PAPLN: variants seen among roughly 807,000 people sequenced by gnomAD.
PAPLN encodes the protein papilin.
Under a neutral mutation model 159.0 loss-of-function variants are expected in PAPLN, and 146 were observed. The observed-to-expected ratio is 0.92, with a 90% CI of 0.80 to 1.05. The LOEUF (loss-of-function observed/expected upper bound fraction) is 1.05, where lower values mean the gene tolerates loss of function less well. PAPLN is among the 50% of genes least tolerant of loss of function. The probability of loss-of-function intolerance (pLI) is 0.00; values close to 1 mark genes in which losing one functional copy is unlikely to be tolerated. For synonymous variants in PAPLN, 734 were observed against 702.9 expected, an observed-to-expected ratio of 1.04 and a Z score of -0.70; for missense variants, 1,720 against 1,743.9, an observed-to-expected ratio of 0.99 and a Z score of 0.24.
In PAPLN at chr14:73,265,441, G is replaced by T. The variant is rs199829671; in HGVS notation, c.3197G>T (p.Arg1066Leu). 1.9e-5 allele frequency: 30 copies of T among 1,613,258 alleles called. No homozygotes were observed. The highest frequency in any genetic ancestry group is 2.3e-5 in the Non-Finnish European group (27 of 1,180,024). ...GGCCAGCGGATCCGGATGACCTGCC[G>T]TGCCGAAGGCTTCCCGCCCCCAGCC... ...SPGQRIRMTC[R>L]AEGFPPPAIE... The change falls in exon 23 of 27, where the codon CGT becomes CTT. Residue 1066 changes from arginine (R) to leucine (L), a missense_variant. By Grantham distance (102) the Arg-to-Leu change is moderately radical. Coordinates refer to ENST00000644200, the MANE Select transcript of PAPLN (RefSeq NM_001365906.3). The surrounding 1 kb of genome is among the most constrained non-coding windows in gnomAD (Gnocchi z 4.1).
At chr14:73,240,772 A>C (rs1338194371) in intron 2 of PAPLN, among the ~76,000 whole-genome samples, 1 of 152,152 alleles carries the variant, frequency 6.6e-6, no homozygotes, top group Non-Finnish European at 1.5e-5. Flanking sequence ...GAGGATGTAC[A>C]AGGAATCTTC....
Position 73,245,933 on chromosome 14 carries a change from CG to C in PAPLN, c.232-134del. 5.2e-6 allele frequency: 5 copies of C among 957,744 alleles called. No individual in the cohort carries two copies. Among genetic ancestry groups the C allele is most frequent in the Non-Finnish European group, 7.5e-6 (5 of 668,424 alleles). The allele number at this position is 957,744 out of a possible 1,614,324, so 59.3% of individuals were successfully genotyped here. A position where few individuals can be genotyped will look rare whatever the true frequency, so the allele number is the denominator to read the frequency against. On this transcript the variant is annotated intron_variant, in intron 4 of 26. Coordinates refer to ENST00000644200, the MANE Select transcript of PAPLN (RefSeq NM_001365906.3). The surrounding 1 kb of genome is among the most constrained non-coding windows in gnomAD (Gnocchi z 4.2). Reference sequence around the variant, plus strand: ...GGGCACGCACAGGAGTTCGGGGGTCCGGGGGGCGGACTCCACCTCCGGCGGC... The same window carrying C: ...GGGCACGCACAGGAGTTCGGGGGTCCGGGGGCGGACTCCACCTCCGGCGGC...
In PAPLN at chr14:73,262,747, G is replaced by A; in HGVS notation, c.2643G>A (p.Gly881=). 1.3e-6 allele frequency: 2 copies of A among 1,511,452 alleles called. No homozygotes were observed. The highest frequency in any genetic ancestry group is 1.8e-6 in the Non-Finnish European group (2 of 1,134,628). 93.6% of individuals were successfully genotyped at this position (1,511,452 alleles called of 1,614,324 possible). The change falls in exon 19 of 27, where the codon GGG becomes GGA. Residue 881 remains glycine, a synonymous_variant. Coordinates refer to ENST00000644200, the MANE Select transcript of PAPLN (RefSeq NM_001365906.3). ...HTQAFGEWPW[G]QELGSRAPGL... is the part of the protein sequence containing the mutation. ...AGGCCTTTGGAGAATGGCCATGGGG[G>A]CAGGAGCTTGGGTCCAGGGCCCCTG...
Position 73,262,763 on chromosome 14 carries a change from A to C in PAPLN, c.2659A>C (p.Arg887=). Residue 887 remains arginine, a synonymous_variant, in exon 19 of 27, where the codon AGG becomes CGG. Coordinates refer to ENST00000644200, the MANE Select transcript of PAPLN (RefSeq NM_001365906.3). ...EWPWGQELGS[R]APGLGGDAGS... ...GCCATGGGGGCAGGAGCTTGGGTCC[A>C]GGGCCCCTGGACTGGGTGGAGATGC... 6.6e-7 allele frequency: 1 copy of C among 1,511,208 alleles called. No homozygotes were observed. The highest frequency in any genetic ancestry group is 8.8e-7 in the Non-Finnish European group (1 of 1,135,006). The allele number at this position is 1,511,208 out of a possible 1,614,324, so 93.6% of individuals were successfully genotyped here.
chr14:73,272,493 A>G lies in PAPLN; in HGVS notation c.3668-2A>G, dbSNP rs750174766. ...CCTTCTCTCTCCCCTGTCGTTCTGCAGCACCCACCGCCCAGCCCAGGGACC... is the reference window on the plus strand; with the variant it reads ...CCTTCTCTCTCCCCTGTCGTTCTGCGGCACCCACCGCCCAGCCCAGGGACC... On this transcript the variant is annotated splice_acceptor_variant, in intron 26 of 26. Coordinates refer to ENST00000644200, the MANE Select transcript of PAPLN (RefSeq NM_001365906.3). LOFTEE classifies it high-confidence loss of function. The G allele has an allele frequency of 5.3e-5, 81 of 1,525,776 alleles. No individual in the cohort carries two copies. The highest frequency in any genetic ancestry group is 6.9e-5 in the Non-Finnish European group (78 of 1,124,334). 94.5% of individuals were successfully genotyped at this position (1,525,776 alleles called of 1,614,324 possible).
At chr14:73,272,432 G>A in intron 26 of PAPLN, 63 bp from the exon 27 acceptor site, 2 of 1,390,500 alleles carry the variant, frequency 1.4e-6, no homozygotes, top group Non-Finnish European at 1.9e-6. Flanking sequence ...GAAATGGCAG[G>A]TGAGAATTTT....
In PAPLN at chr14:73,261,324, G is replaced by A. The variant is rs372176357; in HGVS notation, c.2245+30G>A. ...GTGGACACCCCCTCTCCTCCTTCTC[G>A]ATGGGTAGACTCTGCTCCCACCATG... On this transcript the variant is annotated intron_variant, in intron 18 of 26. Transcript: ENST00000644200. The A allele has an allele frequency of 1.3e-4, 207 of 1,607,928 alleles. 1 individual carries two copies. The East Asian group carries it at 3.7e-3, about 29-fold the overall frequency.
Position 73,263,758 on chromosome 14 carries a change from A to T in PAPLN, c.2837A>T (p.Asp946Val), listed in dbSNP as rs1301095588. The T allele has an allele frequency of 2.5e-6, 4 of 1,605,712 alleles. No individual in the cohort carries two copies. In the African/African-American group the frequency reaches 4.0e-5, roughly 16 times the overall value. The change falls in exon 20 of 27, where the codon GAT (aspartate) becomes GTT (valine). Residue 946 changes from aspartate to valine, a missense_variant. Transcript: ENST00000644200. The part of the protein sequence containing the change: ...APESQAAWQK[D>V]GQPISSDRHR... ...GAATCCCAGGCTGCCTGGCAGAAAG[A>T]TGGCCAGCCCATCTCCTCTGACAGG...
At chr14:73,247,712 G>C (rs556307095) in intron 5 of PAPLN, among the ~76,000 whole-genome samples, 38 of 143,064 alleles carry the variant, frequency 2.7e-4, no homozygotes, top group South Asian at 6.9e-4. Context: ...GCATGGCCCA[G>C]TGGGAGTCTC....
intron 18 of PAPLN, 83 bp from the exon 19 acceptor site, chr14:73,262,266 TC>T: frequency 7.4e-7 from 1 of 1,349,790 alleles, no homozygotes. Context: ...AGGGCCTGCT[TC>T]CTGAGTCGGA....
chr14:73,252,550 G>C lies in PAPLN; in HGVS notation c.968-99G>C, dbSNP rs143187953. ...GGGGGGTCATCTAAGACTGAATGGG[G>C]ATGACCTGTGGGGTGAGTGCAGGAT... On this transcript the variant is annotated intron_variant, in intron 10 of 26. Coordinates refer to ENST00000644200, the MANE Select transcript of PAPLN (RefSeq NM_001365906.3). 6,181 of 1,462,366 alleles carry C rather than the reference G, an allele frequency of 4.2e-3. 28 individuals carry two copies. The highest frequency in any genetic ancestry group is 0.03 in the Middle Eastern group (149 of 4,902). The allele number at this position is 1,462,366 out of a possible 1,614,324, so 90.6% of individuals were successfully genotyped here. A position where few individuals can be genotyped will look rare whatever the true frequency, so the allele number is the denominator to read the frequency against.
chr14:73,235,825 C>T (rs1041908083), upstream of PAPLN, among the ~76,000 whole-genome samples: 3 of 152,216 alleles, frequency 2.0e-5, no homozygotes, highest in South Asian at 2.1e-4. Context: ...CCAGGGGCCC[C>T]GCTACAGCTG....
chr14:73,249,209 C>CT (rs1884948520), intron 5 of PAPLN, among the ~76,000 whole-genome samples: 1 of 152,190 alleles, frequency 6.6e-6, no homozygotes, highest in Non-Finnish European at 1.5e-5. Context: ...ATTTTAGCCC[C>CT]TTTCACATTA....
rs1314439627 is a variant in PAPLN at position 73,259,251 on chromosome 14, T to G, written c.1709-18T>G. The G allele has an allele frequency of 6.5e-7, 1 of 1,536,526 alleles. No individual in the cohort carries two copies. Among genetic ancestry groups the G allele is most frequent in the Non-Finnish European group, 8.8e-7 (1 of 1,139,208 alleles). Reference sequence around the variant, plus strand: ...AGCCAGGTGGACGCACTGTGTGTCTTTTGCTTCTTCTTTCTAGACTCCAGA... The same window carrying G: ...AGCCAGGTGGACGCACTGTGTGTCTGTTGCTTCTTCTTTCTAGACTCCAGA... On this transcript the variant is annotated intron_variant, in intron 15 of 26. Transcript: ENST00000644200.
chr14:73,255,857 C>T (rs978748125), intron 14 of PAPLN, among the ~76,000 whole-genome samples: 8 of 152,220 alleles, frequency 5.3e-5, no homozygotes, highest in African/African-American at 9.6e-5. Context: ...CGATCCACTC[C>T]GTTGCTGACC....
chr14:73,269,220 T>C (rs1303702156), intron 26 of PAPLN, among the ~76,000 whole-genome samples: 1 of 151,904 alleles, frequency 6.6e-6, no homozygotes, highest in Non-Finnish European at 1.5e-5. Context: ...GCAGAGAGCG[T>C]AAGTGGTGTT....
At chr14:73,250,407 G>A (rs766770058) in intron 6 of PAPLN, among the ~76,000 whole-genome samples, 27 of 152,196 alleles carry the variant, frequency 1.8e-4, no homozygotes, top group Admixed American at 1.6e-3. Context: ...AGCCGCAGGC[G>A]CATGAATGAG....
Position 73,265,341 on chromosome 14 carries a change from C to A in PAPLN, c.3126-29C>A. ...GTAGGCGGGGGCAACGGCAAGGGCC[C>A]CTCATGCTGTGGGCTGCTTGTTTGG... is the stretch of plus-strand genomic sequence containing the variant. On this transcript the variant is annotated intron_variant, in intron 22 of 26. Transcript: ENST00000644200. This position sits in a 1 kb window ranked among gnomAD's most constrained non-coding sequence, Gnocchi z 4.1. 6.2e-7 allele frequency: 1 copy of A among 1,601,264 alleles called. No individual in the cohort carries two copies. Among genetic ancestry groups the A allele is most frequent in the East Asian group, 2.2e-5 (1 of 44,782 alleles).
In PAPLN at chr14:73,249,849, C is replaced by T. The variant is rs536905513; in HGVS notation, c.335-135C>T. 7.9e-5 allele frequency: 75 copies of T among 953,850 alleles called. No homozygotes were observed. The South Asian group carries it at 1.2e-3, about 15-fold the overall frequency. 59.1% of individuals were successfully genotyped at this position (953,850 alleles called of 1,614,324 possible). A position where few individuals can be genotyped will look rare whatever the true frequency, so the allele number is the denominator to read the frequency against. On this transcript the variant is annotated intron_variant, in intron 5 of 26. Coordinates refer to ENST00000644200, the MANE Select transcript of PAPLN (RefSeq NM_001365906.3). ...ACGGTCCCTTCTCCTGGGGATGGGG[C>T]GGGGATCTGTGCTCTGCGGGGCCTG...
Sources: gnomAD v4.1 joint callset for allele counts (sites outside exome capture counted in the v4.1 genomes callset) on GRCh38, gnomAD v4.1.1 for gene constraint, Gnocchi (gnomAD v3.1) non-coding constraint, MANE v1.5 for transcripts, NCBI Gene and HGNC (gene_info 2026-07-23, HGNC 2026-07-21) for gene names.